ALPL: variants seen among roughly 807,000 people sequenced by gnomAD.
ALPL encodes alkaline phosphatase, biomineralization associated.
ALPL carries 42 observed loss-of-function variants against 51.3 expected under a neutral mutation model. That is an observed-to-expected ratio of 0.82 (90% CI 0.64 to 1.06). The LOEUF is 1.06. Ranked by LOEUF, ALPL falls within the 50% of genes least tolerant of loss-of-function variation. ALPL has a pLI of 0.00. For missense variants in ALPL, 589 were observed against 709.4 expected (o/e 0.83, Z 1.93); for synonymous variants, 279 against 296.4 (o/e 0.94, Z 0.60).
intron 1 of ALPL, among the ~76,000 whole-genome samples, chr1:21,526,008 G>A (rs1194450189): frequency 6.6e-6 from 1 of 152,110 alleles, no homozygotes; most frequent in Non-Finnish European, 1.5e-5. Context: ...AACAAAAAGA[G>A]TGTGTACAGA....
At chr1:21,577,327 G>T in intron 11 of ALPL, 56 bp from the exon 12 acceptor site, 1 of 1,611,958 alleles carries the variant, frequency 6.2e-7, no homozygotes, top group South Asian at 1.1e-5. Flanking sequence ...GAAAAGCTGC[G>T]TGCGCAGCGC....
At chr1:21,555,254 G>A (rs1019787637) in intron 2 of ALPL, among the ~76,000 whole-genome samples, 4 of 152,120 alleles carry the variant, frequency 2.6e-5, no homozygotes, top group Non-Finnish European at 5.9e-5. Context: ...GGCAAGGACC[G>A]GCCATTTTCA....
At chr1:21,528,047 G>A (rs1643973197) in intron 1 of ALPL, among the ~76,000 whole-genome samples, 1 of 150,418 alleles carries the variant, frequency 6.6e-6, no homozygotes, top group South Asian at 2.1e-4. Context: ...TTTTGAGACA[G>A]TCTTGCTCTG....
chr1:21,554,788 CCTGTCTGTCTGTCTGT>C (rs369690542), intron 2 of ALPL, among the ~76,000 whole-genome samples: 5,160 of 114,504 alleles, frequency 0.045, 237 homozygotes, highest in South Asian at 0.07. Flanking sequence ...CCGCGCCTGG[CCTGTCTGTCTGTCTGT>C]CTGTCTGTCT....
At chr1:21,551,243 G>C (rs1311427186) in intron 1 of ALPL, 1 of 152,152 alleles carries the variant, frequency 6.6e-6, no homozygotes, top group Non-Finnish European at 1.5e-5. Flanking sequence ...CAAGCACTAG[G>C]AGGGCAGAGA....
In ALPL at chr1:21,563,151, C is replaced by T. The variant is rs377453516; in HGVS notation, c.339C>T (p.Thr113=). The T allele has an allele frequency of 6.8e-6, 11 of 1,613,336 alleles. No individual in the cohort carries two copies. The East Asian group carries it at 1.1e-4, about 16-fold the overall frequency. The change falls in exon 5 of 12, where the codon ACC becomes ACT. Residue 113 remains threonine (T), a synonymous_variant. Coordinates refer to ENST00000374840, the MANE Select transcript of ALPL (RefSeq NM_000478.6). The part of the protein sequence containing the change: ...TNAQVPDSAG[T]ATAYLCGVKA... ...CCCAGGTCCCTGACAGTGCCGGCAC[C>T]GCCACCGCCTACCTGTGTGGGGTGA...
chr1:21,546,778 G>A (rs930168695), intron 1 of ALPL, among the ~76,000 whole-genome samples: 3 of 152,214 alleles, frequency 2.0e-5, no homozygotes, highest in Non-Finnish European at 4.4e-5. Flanking sequence ...CTGTTTCTCT[G>A]CAAATGGGGA....
intron 1 of ALPL, among the ~76,000 whole-genome samples, chr1:21,515,718 GCCTTCTTTAGTGCA>G (rs533080030): frequency 3.5e-4 from 54 of 152,280 alleles, no homozygotes; most frequent in African/African-American, 1.3e-3. Context: ...TCAACCTCTT[GCCTTCTTTAGTGCA>G]CCTTTACTAG....
At chr1:21,575,045 G>T (rs763481564) in intron 9 of ALPL, among the ~76,000 whole-genome samples, 30 of 152,232 alleles carry the variant, frequency 2.0e-4, no homozygotes, top group Non-Finnish European at 2.8e-4. Flanking sequence ...GAGGTGGGAA[G>T]CGGGGGCGGA....
rs1056526225 is a variant in ALPL, at chr1:21,564,370, G to C, written c.648+154G>C. Among the ~76,000 whole-genome samples the C allele has an allele frequency of 6.1e-4, 93 of 152,164 alleles. No homozygotes were observed. Among genetic ancestry groups the C allele is most frequent in the African/African-American group, 2.2e-3 (91 of 41,438 alleles). On this transcript the variant is annotated intron_variant, in intron 6 of 11. Coordinates refer to ENST00000374840, the MANE Select transcript of ALPL (RefSeq NM_000478.6). This position sits in a 1 kb window ranked among gnomAD's most constrained non-coding sequence, Gnocchi z 5.8. The stretch of plus-strand genomic sequence containing the variant: ...AGCCCATTAGGGGATTTGCGGTTGG[G>C]CAGGCAGGCACTGTGGGATTTCTCT...
At chr1:21,561,815 C>T (rs767632190) in intron 4 of ALPL, among the ~76,000 whole-genome samples, 8 of 151,792 alleles carry the variant, frequency 5.3e-5, no homozygotes, top group African/African-American at 9.7e-5. Context: ...TACAGGCATG[C>T]GCCACCATGC....
chr1:21,549,536 C>T (rs772427247), intron 1 of ALPL, among the ~76,000 whole-genome samples: 2 of 151,050 alleles, frequency 1.3e-5, no homozygotes, highest in Non-Finnish European at 2.9e-5. Flanking sequence ...TGCAGTGATG[C>T]GATCTCAGCT....
Position 21,564,149 on chromosome 1 carries a change from C to T in ALPL, c.581C>T (p.Pro194Leu). Residue 194 changes from proline (P) to leucine (L), a missense_variant, in exon 6 of 12, where the codon CCT (proline) becomes CTT (leucine). Physicochemically the swap from Pro to Leu is moderately conservative, Grantham distance 98. Transcript: ENST00000374840. The surrounding 1 kb of genome is among the most constrained non-coding windows in gnomAD (Gnocchi z 5.8). ...RDWYSDNEMP[P>L]EALSQGCKDI... ...TGGTACTCAGACAACGAGATGCCCCCTGAGGCCTTGAGCCAGGGCTGTAAG... is the reference window on the plus strand; with the variant it reads ...TGGTACTCAGACAACGAGATGCCCCTTGAGGCCTTGAGCCAGGGCTGTAAG... 6.2e-7 allele frequency: 1 copy of T among 1,614,098 alleles called. No homozygotes were observed. Among genetic ancestry groups the T allele is most frequent in the Non-Finnish European group, 8.5e-7 (1 of 1,180,016 alleles).
In ALPL at chr1:21,570,644, G is replaced by C. The variant is rs2275373; in HGVS notation, c.862+270G>C. On this transcript the variant is annotated intron_variant, in intron 8 of 11. Coordinates refer to ENST00000374840, the MANE Select transcript of ALPL (RefSeq NM_000478.6). ...GAGTGGCCCGCGGCATGTGGCACAA[G>C]TGACAGCGGTACGGCCCAGGCAAGT... 0.18 allele frequency among the ~76,000 whole-genome samples: 27,833 copies of C among 152,110 alleles called. 3,096 individuals are homozygous for C. The highest frequency in any genetic ancestry group is 0.45 in the East Asian group (2,327 of 5,130).
chr1:21,575,436 C>T (rs1013686855), intron 9 of ALPL, among the ~76,000 whole-genome samples: 1 of 152,138 alleles, frequency 6.6e-6, no homozygotes, highest in African/African-American at 2.4e-5. Flanking sequence ...AGAGACAGTG[C>T]TGGGAGGGGC....
chr1:21,537,380 A>G (rs1452670284), intron 1 of ALPL, among the ~76,000 whole-genome samples: 1 of 152,146 alleles, frequency 6.6e-6, no homozygotes, highest in Non-Finnish European at 1.5e-5. Context: ...CCCAGGAGGG[A>G]GAGGCCAACG....
intron 2 of ALPL, among the ~76,000 whole-genome samples, chr1:21,556,385 A>G (rs1435977937): frequency 6.6e-6 from 1 of 152,180 alleles, no homozygotes; most frequent in Middle Eastern, 3.2e-3. Flanking sequence ...TCACGCCTGT[A>G]ATCCCAGTGC....
intron 1 of ALPL, among the ~76,000 whole-genome samples, chr1:21,511,510 G>A (rs757079179): frequency 1.4e-4 from 21 of 152,196 alleles, no homozygotes; most frequent in Admixed American, 2.6e-4. Context: ...AATGCAATGC[G>A]GAGACTGGAA....
intron 2 of ALPL, among the ~76,000 whole-genome samples, chr1:21,554,906 TC>T: frequency 9.7e-6 from 1 of 102,676 alleles, no homozygotes; most frequent in Non-Finnish European, 2.0e-5. Context: ...TTTCTTTCTT[TC>T]TCTTTTCTTT....
Sources: allele counts gnomAD v4.1 joint callset (sites outside exome capture counted in the v4.1 genomes callset), GRCh38; gene constraint gnomAD v4.1.1; non-coding constraint Gnocchi (gnomAD v3.1); transcripts MANE v1.5; gene names NCBI Gene and HGNC (gene_info 2026-07-23, HGNC 2026-07-21).